FAM118A: variants seen among roughly 807,000 people sequenced by gnomAD.
FAM118A encodes protein FAM118A.
FAM118A carries 25 observed loss-of-function variants against 38.2 expected under a neutral mutation model. The observed-to-expected ratio is 0.65, with a 90% CI of 0.48 to 0.91. The LOEUF (loss-of-function observed/expected upper bound fraction) is 0.91. FAM118A is among the 40% of genes least tolerant of loss of function. FAM118A has a pLI of 0.00. For synonymous variants in FAM118A, 178 were observed against 184.1 expected (o/e 0.97, Z 0.27); for missense variants, 425 against 463.3 (o/e 0.92, Z 0.76).
At chr22:45,324,481 G>T (rs1186634726) in intron 3 of FAM118A, among the ~76,000 whole-genome samples, 1 of 152,230 alleles carries the variant, frequency 6.6e-6, no homozygotes, top group Non-Finnish European at 1.5e-5. Flanking sequence ...CATCTCATTG[G>T]CCAGAGTTTT....
chr22:45,340,541 G>C lies in FAM118A; in HGVS notation c.*136G>C. The C allele has an allele frequency of 1.9e-6, 2 of 1,054,938 alleles. No homozygotes were observed. Among genetic ancestry groups the C allele is most frequent in the Non-Finnish European group, 2.9e-6 (2 of 680,542 alleles). The allele number at this position is 1,054,938 out of a possible 1,614,324, so 65.3% of individuals were successfully genotyped here. A position where few individuals can be genotyped will look rare whatever the true frequency, so the allele number is the denominator to read the frequency against. On this transcript the variant is annotated 3_prime_UTR_variant, in exon 9 of 9. Transcript: ENST00000441876. ...CACATACACCAAGAGAGCCACATGG[G>C]CATGTGGCCCTCAAGGCTGGGTGAG... is the stretch of plus-strand genomic sequence containing the variant.
chr22:45,330,216 T>TC (rs376292518), intron 4 of FAM118A, among the ~76,000 whole-genome samples: 18 of 152,348 alleles, frequency 1.2e-4, no homozygotes, highest in African/African-American at 3.8e-4. Flanking sequence ...GTCCTTTTTT[T>TC]CCACCCTGAG....
chr22:45,335,049 G>A, intron 6 of FAM118A: 7 of 412,032 alleles, frequency 1.7e-5, no homozygotes, highest in Non-Finnish European at 2.2e-5. Context: ...ATTTGTACTC[G>A]AATTCATGGA....
chr22:45,335,762 T>C (rs1873756221), intron 7 of FAM118A, among the ~76,000 whole-genome samples: 1 of 152,262 alleles, frequency 6.6e-6, no homozygotes, highest in Non-Finnish European at 1.5e-5. Context: ...GGTCTGAGCT[T>C]GCACACAGAA....
At chr22:45,328,447 G>A (rs755879029) in intron 4 of FAM118A, 1 of 937,018 alleles carries the variant, frequency 1.1e-6, no homozygotes, top group South Asian at 1.2e-5. Context: ...TGCCCTGGGA[G>A]CTGCTCTCAC....
At chr22:45,330,865 T>C (rs946848431) in intron 5 of FAM118A, 134 bp downstream of exon 5, 2 of 998,966 alleles carry the variant, frequency 2.0e-6, no homozygotes, top group African/African-American at 3.3e-5. Flanking sequence ...ACACAGTTGC[T>C]GAGGGAGGGG....
At position 45,330,613 on chromosome 22, in the gene FAM118A, G is replaced by A. The variant is rs750731932; in HGVS notation, c.533G>A (p.Trp178Ter). The A allele has an allele frequency of 6.4e-7, 1 of 1,566,614 alleles. No homozygotes were observed. The highest frequency in any genetic ancestry group is 8.6e-7 in the Non-Finnish European group (1 of 1,161,430). The change falls in exon 5 of 9, where the codon TGG (tryptophan) becomes TAG (stop). Residue 178 changes from tryptophan to a stop codon, truncating the protein, a stop_gained. Coordinates refer to ENST00000441876, the MANE Select transcript of FAM118A (RefSeq NM_017911.4). LOFTEE classifies it high-confidence loss of function. ...DLKDKTKVLEWARGHMKYGVL... is the reference protein window; with the variant it reads ...DLKDKTKVLE ...CTTGATGTTTGGTAGGTCCTTGAAT[G>A]GGCAAGAGGGCACATGAAGTACGGC...
chr22:45,341,546 G>A lies in FAM118A; in HGVS notation c.*1141G>A, dbSNP rs1348266399. The stretch of plus-strand genomic sequence containing the variant: ...AAGGGAGTTTGCAGAGAGTGAGGGA[G>A]GCAAAACTTGAAAAGGGCCTGCAAC... On this transcript the variant is annotated 3_prime_UTR_variant, in exon 9 of 9. Transcript: ENST00000441876. 6.6e-6 allele frequency: 1 copy of A among 152,180 alleles called. No individual in the cohort carries two copies. The highest frequency in any genetic ancestry group is 6.6e-5 in the Admixed American group (1 of 15,266). 9.4% of individuals were successfully genotyped at this position (152,180 alleles called of 1,614,324 possible). A position where few individuals can be genotyped will look rare whatever the true frequency, so the allele number is the denominator to read the frequency against.
rs778317540 is a variant in FAM118A, at chr22:45,340,442, C to T, written c.*37C>T. The T allele has an allele frequency of 7.4e-6, 12 of 1,611,832 alleles. No individual in the cohort carries two copies. Among genetic ancestry groups the T allele is most frequent in the African/African-American group, 2.7e-5 (2 of 74,880 alleles). On this transcript the variant is annotated 3_prime_UTR_variant, in exon 9 of 9. Transcript: ENST00000441876. The stretch of plus-strand genomic sequence containing the variant: ...TAAAACCTGCAACTTGAAAACTAGC[C>T]TTCTGTAACCACAGTGCCCAAACGA...
At chr22:45,323,027 A>G (rs1182366769) in intron 2 of FAM118A, 148 bp from the exon 3 acceptor site, 2 of 871,770 alleles carry the variant, frequency 2.3e-6, no homozygotes, top group Non-Finnish European at 3.4e-6. Flanking sequence ...GTCTCCCCAC[A>G]GCGTCAGAGG....
intron 2 of FAM118A, 71 bp from the exon 3 acceptor site, chr22:45,323,104 C>A: frequency 6.4e-7 from 1 of 1,552,562 alleles, no homozygotes; most frequent in Non-Finnish European, 8.8e-7. Flanking sequence ...AACTCGCAGA[C>A]AGTTCCAGAC....
At chr22:45,319,741 A>T (rs1274202981) in intron 1 of FAM118A, among the ~76,000 whole-genome samples, 2 of 152,150 alleles carry the variant, frequency 1.3e-5, no homozygotes, top group Non-Finnish European at 2.9e-5. Flanking sequence ...TACTTTCCTT[A>T]GAAAGTATCT....
intron 3 of FAM118A, among the ~76,000 whole-genome samples, chr22:45,324,143 A>G (rs1387758395): frequency 6.6e-6 from 1 of 152,242 alleles, no homozygotes; most frequent in Non-Finnish European, 1.5e-5. Context: ...AGGAGAGAGC[A>G]CGAAAAAAAG....
chr22:45,336,480 C>A (rs920595248), intron 8 of FAM118A, 69 bp downstream of exon 8: 2 of 1,263,188 alleles, frequency 1.6e-6, no homozygotes, highest in Admixed American at 3.5e-5. Flanking sequence ...CTTCAGGGAC[C>A]GTGCTGCGCT....
chr22:45,311,302 A>G (rs972322388), intron 1 of FAM118A, among the ~76,000 whole-genome samples: 1 of 152,172 alleles, frequency 6.6e-6, no homozygotes, highest in Non-Finnish European at 1.5e-5. Flanking sequence ...TGGCTGGAGC[A>G]CACCTAATGA....
Position 45,341,936 on chromosome 22 carries a change from A to T in FAM118A, c.*1531A>T, listed in dbSNP as rs145571832. 6.6e-6 allele frequency: 1 copy of T among 152,290 alleles called. No individual in the cohort carries two copies. The highest frequency in any genetic ancestry group is 1.9e-4 in the East Asian group (1 of 5,178). 9.4% of individuals were successfully genotyped at this position (152,290 alleles called of 1,614,324 possible). A position where few individuals can be genotyped will look rare whatever the true frequency, so the allele number is the denominator to read the frequency against. On this transcript the variant is annotated 3_prime_UTR_variant, in exon 9 of 9. Coordinates refer to ENST00000441876, the MANE Select transcript of FAM118A (RefSeq NM_017911.4). ...AAATCTTTTATGCCACTCCAGCCATAAATAAAATTTTAACTTCAACCCTGT... is the reference window on the plus strand; with the variant it reads ...AAATCTTTTATGCCACTCCAGCCATTAATAAAATTTTAACTTCAACCCTGT...
At chr22:45,325,422 T>C (rs1241619181) in intron 3 of FAM118A, among the ~76,000 whole-genome samples, 2 of 151,812 alleles carry the variant, frequency 1.3e-5, no homozygotes, top group African/African-American at 2.4e-5. Context: ...TGCAAGTGTA[T>C]TGGGGGAAGT....
chr22:45,311,326 G>A (rs1289992739), intron 1 of FAM118A, among the ~76,000 whole-genome samples: 1 of 152,198 alleles, frequency 6.6e-6, no homozygotes, highest in Non-Finnish European at 1.5e-5. Context: ...TGGCGTGGGA[G>A]TGAATGCTAA....
intron 5 of FAM118A, among the ~76,000 whole-genome samples, chr22:45,331,470 G>A (rs2085714465): frequency 2.6e-5 from 4 of 152,012 alleles, no homozygotes; most frequent in Admixed American, 2.6e-4. Context: ...TGAACTCCTG[G>A]GCCCAAGGAT....
Sources: gnomAD v4.1 joint callset for allele counts (sites outside exome capture counted in the v4.1 genomes callset) on GRCh38, gnomAD v4.1.1 for gene constraint, MANE v1.5 for transcripts, NCBI Gene and HGNC (gene_info 2026-07-23, HGNC 2026-07-21) for gene names.